NAALADL2: variants seen among roughly 807,000 people sequenced by gnomAD.
The protein encoded by NAALADL2 is inactive N-acetylated-alpha-linked acidic dipeptidase-like protein 2.
Under a neutral mutation model 87.2 loss-of-function variants are expected in NAALADL2, and 76 were observed. The observed-to-expected ratio is 0.87, with a 90% confidence interval of 0.72 to 1.05. NAALADL2 has a LOEUF of 1.05. Ranked by LOEUF, NAALADL2 falls within the 50% of genes least tolerant of loss-of-function variation. The pLI is 0.00. For missense variants in NAALADL2, 1,089 were observed against 945.8 expected (o/e 1.15, Z -1.99); for synonymous variants, 354 against 331.0 (o/e 1.07, Z -0.75).
At chr3:175,029,049 T>TTATA (rs57707474) in intron 1 of NAALADL2, among the ~76,000 whole-genome samples, 2,339 of 141,284 alleles carry the variant, frequency 0.017, 31 homozygotes, top group Middle Eastern at 0.04. Flanking sequence ...TATATTAAAA[T>TTATA]TATATATATA....
At chr3:175,106,957 C>A (rs897174143) in intron 2 of NAALADL2, among the ~76,000 whole-genome samples, 1 of 151,912 alleles carries the variant, frequency 6.6e-6, no homozygotes, top group Non-Finnish European at 1.5e-5. Context: ...AAAAATTTTT[C>A]CAATGGATAT....
At chr3:175,269,927 CAG>C (rs1432313387) in intron 4 of NAALADL2, among the ~76,000 whole-genome samples, 1 of 151,880 alleles carries the variant, frequency 6.6e-6, no homozygotes, top group Non-Finnish European at 1.5e-5. Context: ...GAGAGATACA[CAG>C]AGAAAGATAA....
chr3:175,382,861 G>A (rs1036260006), intron 5 of NAALADL2, among the ~76,000 whole-genome samples: 1 of 152,108 alleles, frequency 6.6e-6, no homozygotes, highest in Non-Finnish European at 1.5e-5. Flanking sequence ...TAAGAGGAAT[G>A]TACATTTGAC....
rs1186732620 is a variant in NAALADL2, at chr3:175,258,215, A to G, written c.939+1685A>G. 4.0e-5 allele frequency among the ~76,000 whole-genome samples: 6 copies of G among 151,394 alleles called. No homozygotes were observed. In the Middle Eastern group the frequency reaches 0.01, roughly 259 times the overall value. Reference sequence around the variant, plus strand: ...CCCAGCTACTTGGGAGGCTGAGGCAAGAGAATCGCTTGAACCCGGGAGGCA... The same window carrying G: ...CCCAGCTACTTGGGAGGCTGAGGCAGGAGAATCGCTTGAACCCGGGAGGCA... On this transcript the variant is annotated intron_variant, in intron 4 of 13. Transcript: ENST00000454872.
chr3:174,667,549 T>TTTTTTG (rs1553814214), intron 2 of NAALADL2, among the ~76,000 whole-genome samples: 1 of 116,486 alleles, frequency 8.6e-6, no homozygotes, highest in Non-Finnish European at 1.9e-5. Context: ...GAGAGAGTTT[T>TTTTTTG]TTTTTTTTTT....
chr3:175,425,927 A>G (rs6791205), intron 5 of NAALADL2, among the ~76,000 whole-genome samples: 1 of 152,020 alleles, frequency 6.6e-6, no homozygotes, highest in Non-Finnish European at 1.5e-5. Flanking sequence ...AATACTGAGA[A>G]AGATATAATT....
chr3:174,799,031 A>G (rs1818565), intron 3 of NAALADL2, among the ~76,000 whole-genome samples: 113,295 of 151,932 alleles, frequency 0.75, 42,837 homozygotes, highest in African/African-American at 0.88. Flanking sequence ...TTACTTGGGC[A>G]TGGTGGCACA....
upstream of NAALADL2, among the ~76,000 whole-genome samples, chr3:174,856,491 G>A (rs1198967051): frequency 1.3e-5 from 2 of 152,118 alleles, no homozygotes; most frequent in Non-Finnish European, 2.9e-5. Context: ...CCCAGGATGT[G>A]AATCATCCGT....
chr3:175,337,306 G>T (rs9821455), intron 5 of NAALADL2, among the ~76,000 whole-genome samples: 1 of 151,900 alleles, frequency 6.6e-6, no homozygotes, highest in South Asian at 2.1e-4. Context: ...ATTTGACCAT[G>T]GAATCCATGT....
intron 1 of NAALADL2, among the ~76,000 whole-genome samples, chr3:174,470,332 T>C (rs988987091): frequency 6.6e-6 from 1 of 152,170 alleles, no homozygotes; most frequent in Admixed American, 6.5e-5. Flanking sequence ...CTTTGCCTAC[T>C]TTTTTAATGG....
chr3:174,937,818 G>A (rs1195952871), intron 1 of NAALADL2, among the ~76,000 whole-genome samples: 1 of 151,944 alleles, frequency 6.6e-6, no homozygotes, highest in East Asian at 1.9e-4. Flanking sequence ...CTTTTTATAT[G>A]AGTATTATAA....
intron 13 of NAALADL2, among the ~76,000 whole-genome samples, chr3:175,757,577 G>A (rs139833187): frequency 9.9e-5 from 15 of 151,994 alleles, no homozygotes; most frequent in Admixed American, 7.2e-4. Flanking sequence ...CATACTTTAC[G>A]TAATTTTCCA....
intron 2 of NAALADL2, among the ~76,000 whole-genome samples, chr3:175,121,961 G>A (rs186590252): frequency 4.6e-5 from 7 of 151,606 alleles, no homozygotes; most frequent in Admixed American, 2.0e-4. Flanking sequence ...TTTCTTTCCC[G>A]TCCTGTCTTT....
chr3:175,369,523 G>A (rs1244038449), intron 5 of NAALADL2: 1 of 152,236 alleles, frequency 6.6e-6, no homozygotes, highest in Non-Finnish European at 1.5e-5. Context: ...GTGCGTGTGT[G>A]TGTATGTGTA....
intron 4 of NAALADL2, among the ~76,000 whole-genome samples, chr3:175,281,520 C>T (rs986171511): frequency 6.6e-6 from 1 of 151,668 alleles, no homozygotes; most frequent in African/African-American, 2.4e-5. Context: ...ATATTAAAAC[C>T]GATTTTCAGT....
chr3:174,853,320 G>A (rs955152958), intron 3 of NAALADL2, among the ~76,000 whole-genome samples: 5 of 146,482 alleles, frequency 3.4e-5, no homozygotes, highest in African/African-American at 1.3e-4. Context: ...AGAGGCTGCA[G>A]TGAGCCGAGA....
chr3:175,167,429 T>C (rs1463371170), intron 2 of NAALADL2, among the ~76,000 whole-genome samples: 1 of 152,066 alleles, frequency 6.6e-6, no homozygotes, highest in Non-Finnish European at 1.5e-5. Flanking sequence ...ACTTGGCTCT[T>C]TCTTTCCTTT....
chr3:174,978,134 T>G (rs1471178487), intron 1 of NAALADL2, among the ~76,000 whole-genome samples: 2 of 151,976 alleles, frequency 1.3e-5, no homozygotes, highest in Admixed American at 6.6e-5. Context: ...AGGTGGGGAG[T>G]CAAGATTCTA....
intron 2 of NAALADL2, among the ~76,000 whole-genome samples, chr3:174,611,759 T>G (rs2108642523): frequency 6.6e-6 from 1 of 151,274 alleles, no homozygotes; most frequent in East Asian, 1.9e-4. Context: ...CCTGGCTAAT[T>G]TTTGTATTTT....
Sources: gnomAD v4.1 joint callset for allele counts (sites outside exome capture counted in the v4.1 genomes callset) on GRCh38, gnomAD v4.1.1 for gene constraint, MANE v1.5 for transcripts, NCBI Gene and HGNC (gene_info 2026-07-23, HGNC 2026-07-21) for gene names.